Variants in GSAP observed in about 807,000 individuals in gnomAD.
The protein encoded by GSAP is gamma-secretase-activating protein.
Under a neutral mutation model 131.7 loss-of-function variants are expected in GSAP, and 118 were observed. The observed-to-expected ratio is 0.90, with a 90% CI of 0.77 to 1.04. The LOEUF (loss-of-function observed/expected upper bound fraction) is 1.04. Ranked by LOEUF, GSAP falls within the 50% of genes least tolerant of loss-of-function variation. GSAP has a pLI of 0.00. For missense variants in GSAP, 1,019 were observed against 1,013.2 expected (o/e 1.01, Z -0.08); for synonymous variants, 381 against 363.4 (o/e 1.05, Z -0.55).
intron 22 of GSAP, chr7:77,326,757 G>A (rs1432358895): frequency 6.5e-6 from 1 of 152,846 alleles, no homozygotes; most frequent in Non-Finnish European, 1.5e-5. Flanking sequence ...CAAGTTATCA[G>A]ACTACAAAGG....
intron 19 of GSAP, among the ~76,000 whole-genome samples, chr7:77,332,356 A>T (rs1789280336): frequency 6.6e-6 from 1 of 152,272 alleles, no homozygotes; most frequent in Non-Finnish European, 1.5e-5. Context: ...TTAAATTAAC[A>T]AATAATTGTA....
intron 17 of GSAP, 128 bp downstream of exon 17, chr7:77,353,444 G>GTT (rs201039073): frequency 7.1e-3 from 3,603 of 510,164 alleles, no homozygotes; most frequent in East Asian, 8.6e-3. Context: ...ATAGAGTTTT[G>GTT]TTTTTTTTTT....
chr7:77,321,702 T>C (rs527747021), intron 24 of GSAP, among the ~76,000 whole-genome samples: 3 of 152,058 alleles, frequency 2.0e-5, no homozygotes, highest in African/African-American at 7.2e-5. Context: ...CATCCATCAG[T>C]GAAGGTAAAG....
At position 77,342,908 on chromosome 7, in the gene GSAP, C is replaced by G. The variant is rs990225613; in HGVS notation, c.1545+6443G>C. Among the ~76,000 whole-genome samples, 9 of 152,238 alleles carry G rather than the reference C, an allele frequency of 5.9e-5. No individual in the cohort carries two copies. The South Asian group carries it at 6.2e-4, about 11-fold the overall frequency. On this transcript the variant is annotated intron_variant, in intron 19 of 30. Coordinates refer to ENST00000257626, the MANE Select transcript of GSAP (RefSeq NM_017439.4). ...CTATATACTCTCCTATCCTCAATAC[C>G]TCCCTCCACAACCCATTATTCTATT... is the stretch of plus-strand genomic sequence containing the variant.
chr7:77,383,202 A>C (rs1405211097), intron 6 of GSAP, among the ~76,000 whole-genome samples: 1 of 152,160 alleles, frequency 6.6e-6, no homozygotes, highest in East Asian at 1.9e-4. Context: ...AAAGTAAAAT[A>C]AACAGTAAAT....
intron 7 of GSAP, 80 bp downstream of exon 7, chr7:77,382,494 A>C: frequency 1.3e-6 from 1 of 750,190 alleles, no homozygotes; most frequent in Non-Finnish European, 2.4e-6. Flanking sequence ...GTGGATATCT[A>C]GAAGATTCAA....
chr7:77,393,956 G>A (rs966965220), intron 5 of GSAP, among the ~76,000 whole-genome samples: 2 of 152,152 alleles, frequency 1.3e-5, no homozygotes, highest in Non-Finnish European at 2.9e-5. Flanking sequence ...TTACAGGCGT[G>A]AGCCACTGTG....
intron 14 of GSAP, among the ~76,000 whole-genome samples, chr7:77,356,847 T>C (rs1468390237): frequency 1.3e-5 from 2 of 152,220 alleles, no homozygotes; most frequent in South Asian, 2.1e-4. Context: ...ATCATTTGCA[T>C]AGAAGGCGTT....
chr7:77,362,264 A>G (rs1441353612), intron 13 of GSAP, among the ~76,000 whole-genome samples: 1 of 152,144 alleles, frequency 6.6e-6, no homozygotes, highest in Non-Finnish European at 1.5e-5. Context: ...AGGCGGGTGG[A>G]TCACTTGAGC....
intron 12 of GSAP, among the ~76,000 whole-genome samples, chr7:77,369,766 T>C (rs1203453824): frequency 1.3e-5 from 2 of 151,548 alleles, no homozygotes; most frequent in African/African-American, 2.4e-5. Context: ...GAATAGATTT[T>C]GTTTAACAAC....
At chr7:77,316,023 T>C (rs532648338) in intron 26 of GSAP, 7 of 152,336 alleles carry the variant, frequency 4.6e-5, no homozygotes, top group African/African-American at 1.2e-4. Flanking sequence ...TGCTGAATGA[T>C]AGAGATTTAT....
chr7:77,379,022 A>G (rs140995966), intron 8 of GSAP, among the ~76,000 whole-genome samples: 7 of 152,234 alleles, frequency 4.6e-5, no homozygotes, highest in East Asian at 1.9e-4. Context: ...GTAAACCACT[A>G]TTTCCGCTTA....
At chr7:77,385,860 T>C (rs1007981007) in intron 6 of GSAP, among the ~76,000 whole-genome samples, 2 of 152,170 alleles carry the variant, frequency 1.3e-5, no homozygotes, top group African/African-American at 4.8e-5. Context: ...GGCAGATACT[T>C]TGAGTGGTGC....
chr7:77,403,517 G>GCATTGTCT (rs1801735789), intron 3 of GSAP, among the ~76,000 whole-genome samples: 2 of 152,132 alleles, frequency 1.3e-5, no homozygotes, highest in Non-Finnish European at 2.9e-5. Context: ...TTTGCTCCCA[G>GCATTGTCT]AATTAGACAA....
intron 14 of GSAP, 35 bp from the exon 15 acceptor site, chr7:77,355,682 G>A: frequency 2.6e-6 from 3 of 1,144,878 alleles, no homozygotes; most frequent in Non-Finnish European, 4.0e-6. Context: ...ATCTACATGT[G>A]GTAAAAGCTG....
At chr7:77,332,774 A>G (rs2150699221) in intron 19 of GSAP, among the ~76,000 whole-genome samples, 1 of 152,372 alleles carries the variant, frequency 6.6e-6, no homozygotes, top group Middle Eastern at 3.4e-3. Flanking sequence ...CACTGGCCTA[A>G]TATAGATATT....
Position 77,330,005 on chromosome 7 carries a change from T to C in GSAP, c.1674+234A>G, listed in dbSNP as rs1584288484. On this transcript the variant is annotated intron_variant, in intron 20 of 30. Transcript: ENST00000257626. ...GAGACATGGATATTAATCATACTTC[T>C]ACTATGAATGTGCTGTGTGTCCCCT... The C allele has an allele frequency of 4.8e-5, 16 of 329,936 alleles. No homozygotes were observed. In the East Asian group the frequency reaches 7.3e-4, roughly 15 times the overall value. The allele number at this position is 329,936 out of a possible 1,614,324, so 20.4% of individuals were successfully genotyped here.
intron 17 of GSAP, 70 bp from the exon 18 acceptor site, chr7:77,353,096 G>A: frequency 1.2e-6 from 1 of 831,086 alleles, no homozygotes; most frequent in Non-Finnish European, 2.1e-6. Context: ...GCATTGTAAT[G>A]CAACCAAAAC....
At chr7:77,365,437 G>C (rs1795143129) in intron 12 of GSAP, among the ~76,000 whole-genome samples, 1 of 152,066 alleles carries the variant, frequency 6.6e-6, no homozygotes, top group Non-Finnish European at 1.5e-5. Context: ...TTGTGTTCAG[G>C]AGTTCTCATC....
Sources: gnomAD v4.1 joint callset for allele counts (sites outside exome capture counted in the v4.1 genomes callset) on GRCh38, gnomAD v4.1.1 for gene constraint, MANE v1.5 for transcripts, NCBI Gene and HGNC (gene_info 2026-07-23, HGNC 2026-07-21) for gene names.